Variants in ARHGAP44 observed in about 807,000 individuals in gnomAD.
ARHGAP44 encodes Rho GTPase activating protein 44, also known as rho GTPase-activating protein 44.
Under a neutral mutation model 106.8 loss-of-function variants are expected in ARHGAP44, and 43 were observed. That is an observed-to-expected ratio of 0.40 (90% CI 0.32 to 0.52). The LOEUF is 0.52. Ranked by LOEUF, ARHGAP44 falls within the 20% of genes least tolerant of loss-of-function variation. The probability of loss-of-function intolerance (pLI) is 0.48; values close to 1 mark genes in which losing one functional copy is unlikely to be tolerated. For synonymous variants in ARHGAP44, 439 were observed against 410.3 expected (o/e 1.07, Z -0.85); for missense variants, 866 against 1,050.5 (o/e 0.82, Z 2.43).
intron 1 of ARHGAP44, among the ~76,000 whole-genome samples, chr17:12,870,991 C>T (rs9903788): frequency 0.91 from 137,836 of 152,224 alleles, 62,552 homozygotes; most frequent in Non-Finnish European, 0.92. Flanking sequence ...CTTTCTTTCC[C>T]GCCTTTCTTC....
At chr17:12,935,775 T>A (rs2038530082) in intron 7 of ARHGAP44, among the ~76,000 whole-genome samples, 1 of 151,854 alleles carries the variant, frequency 6.6e-6, no homozygotes, top group Non-Finnish European at 1.5e-5. Flanking sequence ...TAGAGAAAAA[T>A]TTGAGAATTT....
At chr17:12,944,356 G>C (rs1044580576) in intron 10 of ARHGAP44, among the ~76,000 whole-genome samples, 160 bp downstream of exon 10, 2 of 152,144 alleles carry the variant, frequency 1.3e-5, no homozygotes, top group Admixed American at 1.3e-4. Flanking sequence ...AACACAAATT[G>C]ATCCTGCCTT....
chr17:12,816,066 A>T (rs1277360366), intron 1 of ARHGAP44, among the ~76,000 whole-genome samples: 2 of 151,950 alleles, frequency 1.3e-5, no homozygotes, highest in Non-Finnish European at 2.9e-5. Context: ...TTGAAAGGGG[A>T]AGTGAGATTA....
At chr17:12,952,228 G>A (rs1469918959) in intron 12 of ARHGAP44, among the ~76,000 whole-genome samples, 1 of 152,154 alleles carries the variant, frequency 6.6e-6, no homozygotes, top group African/African-American at 2.4e-5. Context: ...CAGCCCCATA[G>A]CCCTGCCACA....
chr17:12,956,251 C>T (rs918784759), intron 14 of ARHGAP44, among the ~76,000 whole-genome samples: 6 of 151,972 alleles, frequency 3.9e-5, no homozygotes, highest in Admixed American at 2.0e-4. Flanking sequence ...GAAAGGAGGG[C>T]GTAGGACATG....
intron 19 of ARHGAP44, 131 bp downstream of exon 19, chr17:12,980,364 AT>A: frequency 9.9e-7 from 1 of 1,015,166 alleles, no homozygotes; most frequent in Non-Finnish European, 1.4e-6. Context: ...CCATCTGGAC[AT>A]TAGAGCTTTG....
chr17:12,907,074 G>A (rs2037573271), intron 3 of ARHGAP44, among the ~76,000 whole-genome samples: 3 of 152,170 alleles, frequency 2.0e-5, no homozygotes, highest in African/African-American at 7.2e-5. Context: ...ATAAATATTG[G>A]ATTAGTAAAT....
Position 12,949,039 on chromosome 17 carries a change from G to T in ARHGAP44, c.862-101G>T, listed in dbSNP as rs959869053. 13 of 1,162,550 alleles carry T rather than the reference G, an allele frequency of 1.1e-5. No homozygotes were observed. The African/African-American group carries it at 2.0e-4, about 18-fold the overall frequency. 72.0% of individuals were successfully genotyped at this position (1,162,550 alleles called of 1,614,324 possible). A position where few individuals can be genotyped will look rare whatever the true frequency, so the allele number is the denominator to read the frequency against. On this transcript the variant is annotated intron_variant, in intron 10 of 20. Transcript: ENST00000379672. The surrounding 1 kb of genome is among the most constrained non-coding windows in gnomAD (Gnocchi z 4.1). ...GGGAGATGGTGTTGGGCAAATGCAT[G>T]TAAGAGGTTTTGGAGAAAAGAAGCA...
rs940868885 is a variant in ARHGAP44 at position 12,789,727 on chromosome 17, T to C, written c.-112T>C. On this transcript the variant is annotated 5_prime_UTR_variant, in exon 1 of 21. Coordinates refer to ENST00000379672, the MANE Select transcript of ARHGAP44 (RefSeq NM_014859.6). ...CAGACGGCGCCCGGAGGCTCCGCAG[T>C]GCCGCCGCCGTCGCCCGGGAGGCTC... is the stretch of plus-strand genomic sequence containing the variant. The C allele has an allele frequency of 2.8e-5, 29 of 1,045,498 alleles. No individual in the cohort carries two copies. The highest frequency in any genetic ancestry group is 5.1e-5 in the African/African-American group (3 of 59,204). 64.8% of individuals were successfully genotyped at this position (1,045,498 alleles called of 1,614,324 possible).
At chr17:12,913,773 G>T (rs1424427511) in intron 4 of ARHGAP44, among the ~76,000 whole-genome samples, 2 of 127,314 alleles carry the variant, frequency 1.6e-5, no homozygotes, top group African/African-American at 2.6e-5. Context: ...TTCAAGACTA[G>T]CCTGGCCAAC....
intron 1 of ARHGAP44, among the ~76,000 whole-genome samples, chr17:12,850,734 C>T (rs2035716862): frequency 6.6e-6 from 1 of 152,228 alleles, no homozygotes; most frequent in Non-Finnish European, 1.5e-5. Flanking sequence ...ACTGCCAAGA[C>T]TCGTGCCCCA....
At chr17:12,834,443 G>T (rs1656405003) in intron 1 of ARHGAP44, among the ~76,000 whole-genome samples, 1 of 152,220 alleles carries the variant, frequency 6.6e-6, no homozygotes, top group South Asian at 2.1e-4. Flanking sequence ...CTAAAATCCA[G>T]CAGTGAGCTA....
rs535268450 is a variant in ARHGAP44 at position 12,803,080 on chromosome 17, C to T, written c.53+13189C>T. The stretch of plus-strand genomic sequence containing the variant: ...CTCTGCCTCCTGGGTTCAAGCAATT[C>T]TCCTGCCTCAGCCTCCCGAGTAGCT... On this transcript the variant is annotated intron_variant, in intron 1 of 20. Transcript: ENST00000379672. Among the ~76,000 whole-genome samples the T allele has an allele frequency of 2.0e-5, 3 of 147,424 alleles. No individual in the cohort carries two copies. In the East Asian group the frequency reaches 6.2e-4, roughly 30 times the overall value.
At chr17:12,970,538 C>T (rs1445679835) in intron 16 of ARHGAP44, among the ~76,000 whole-genome samples, 1 of 152,160 alleles carries the variant, frequency 6.6e-6, no homozygotes, top group Non-Finnish European at 1.5e-5. Flanking sequence ...TGACTTCTTG[C>T]TTTCACCTTG....
chr17:12,843,490 G>A (rs141963838), intron 1 of ARHGAP44, among the ~76,000 whole-genome samples: 10 of 151,804 alleles, frequency 6.6e-5, no homozygotes, highest in South Asian at 2.1e-4. Context: ...TTGGCACCTC[G>A]TTCATCTTTT....
At chr17:12,858,749 A>G (rs1283515752) in intron 1 of ARHGAP44, among the ~76,000 whole-genome samples, 2 of 152,138 alleles carry the variant, frequency 1.3e-5, no homozygotes, top group South Asian at 4.1e-4. Context: ...GTATTAGTAC[A>G]TTTTCATGCT....
intron 1 of ARHGAP44, among the ~76,000 whole-genome samples, chr17:12,876,373 G>A (rs1473449522): frequency 6.6e-6 from 1 of 152,150 alleles, no homozygotes; most frequent in East Asian, 1.9e-4. Context: ...TCCCCATGTG[G>A]CGCTACCTGC....
chr17:12,823,085 C>T (rs1173181114), intron 1 of ARHGAP44, among the ~76,000 whole-genome samples: 1 of 152,140 alleles, frequency 6.6e-6, no homozygotes, highest in African/African-American at 2.4e-5. Flanking sequence ...CAGCAGATGC[C>T]ATAGCAGCTT....
chr17:12,816,178 A>AG (rs1398452829), intron 1 of ARHGAP44, among the ~76,000 whole-genome samples: 1 of 152,188 alleles, frequency 6.6e-6, no homozygotes, highest in Non-Finnish European at 1.5e-5. Context: ...AATGTCAAGT[A>AG]GAAGGCAGAT....
Sources: gnomAD v4.1 joint callset for allele counts (sites outside exome capture counted in the v4.1 genomes callset) on GRCh38, gnomAD v4.1.1 for gene constraint, Gnocchi (gnomAD v3.1) non-coding constraint, MANE v1.5 for transcripts, NCBI Gene and HGNC (gene_info 2026-07-23, HGNC 2026-07-21) for gene names.